The following TMEM128 variants were observed in gnomAD, a reference collection of about 807,000 sequenced individuals.
TMEM128 encodes the protein transmembrane protein 128.
TMEM128 carries 16 observed loss-of-function variants against 19.7 expected under a neutral mutation model. That is an observed-to-expected ratio of 0.81 (90% confidence interval 0.55 to 1.23). The LOEUF is 1.23. Ranked by LOEUF, TMEM128 falls within the 50% of genes most tolerant of loss-of-function variation. TMEM128 has a pLI of 0.00. For synonymous variants in TMEM128, 98 were observed against 75.8 expected (o/e 1.29, Z -1.52); for missense variants, 237 against 200.8 (o/e 1.18, Z -1.09).
At chr4:4,247,063 CTA>C (rs1420719602) in intron 1 of TMEM128, among the ~76,000 whole-genome samples, 3 of 152,158 alleles carry the variant, frequency 2.0e-5, no homozygotes, top group African/African-American at 7.2e-5. Context: ...CCTGCCCAGC[CTA>C]TAACTAAATA....
intron 3 of TMEM128, among the ~76,000 whole-genome samples, chr4:4,238,493 T>C (rs1717814565): frequency 1.3e-5 from 2 of 152,128 alleles, no homozygotes; most frequent in Non-Finnish European, 2.9e-5. Flanking sequence ...TGGTTATTGG[T>C]TTTAATATAT....
chr4:4,247,187 G>T (rs1469323507), intron 1 of TMEM128, among the ~76,000 whole-genome samples: 3 of 152,144 alleles, frequency 2.0e-5, no homozygotes, highest in African/African-American at 7.2e-5. Context: ...TGTCTGGAAC[G>T]CAATCTGAAA....
intron 4 of TMEM128, among the ~76,000 whole-genome samples, chr4:4,236,738 C>T (rs1196346416): frequency 6.6e-6 from 1 of 152,250 alleles, no homozygotes; most frequent in African/African-American, 2.4e-5. Flanking sequence ...TCCATTTCTT[C>T]TTTACACAGT....
Position 4,240,347 on chromosome 4 carries a change from A to C in TMEM128, c.372T>G (p.Thr124=). Residue 124 remains threonine, a synonymous_variant, in exon 3 of 5, where the codon ACT becomes ACG. Transcript: ENST00000382753. ...AAATTCCTGCTGCAATAAAGGAGGC[A>C]GTGGTAATGGGTATCAAGGCTGGAT... The part of the protein sequence containing the change: ...VKYPALIPIT[T]ASFIAAGICF... 1.2e-6 allele frequency: 2 copies of C among 1,614,010 alleles called. No homozygotes were observed.
chr4:4,241,178 T>C (rs1375206770), intron 2 of TMEM128, among the ~76,000 whole-genome samples: 1 of 152,212 alleles, frequency 6.6e-6, no homozygotes, highest in Non-Finnish European at 1.5e-5. Context: ...TTAAAGAAGT[T>C]TATCAGTGGG....
At chr4:4,240,507 T>C (rs375611658) in intron 2 of TMEM128, 28 bp from the exon 3 acceptor site, 6 of 1,599,806 alleles carry the variant, frequency 3.8e-6, no homozygotes, top group Non-Finnish European at 5.1e-6. Context: ...GTAAGAGGTC[T>C]GACAGCACTT....
intron 2 of TMEM128, among the ~76,000 whole-genome samples, chr4:4,243,695 GT>G (rs1222364131): frequency 6.6e-6 from 1 of 152,106 alleles, no homozygotes; most frequent in Non-Finnish European, 1.5e-5. Flanking sequence ...ATGACACCTT[GT>G]TGAGGACAGA....
intron 3 of TMEM128, among the ~76,000 whole-genome samples, chr4:4,239,623 C>A (rs1174388768): frequency 6.6e-6 from 1 of 152,136 alleles, no homozygotes; most frequent in African/African-American, 2.4e-5. Flanking sequence ...CTCTTTATAG[C>A]ATCCTTCATA....
chr4:4,246,566 A>C (rs1577199864), intron 1 of TMEM128, among the ~76,000 whole-genome samples: 1 of 152,350 alleles, frequency 6.6e-6, no homozygotes, highest in East Asian at 1.9e-4. Context: ...ATACATTGTG[A>C]AATCAAATTT....
intron 4 of TMEM128, chr4:4,237,134 C>T: frequency 2.2e-6 from 1 of 444,986 alleles, no homozygotes; most frequent in Admixed American, 2.5e-5. Context: ...TTGTGTCATC[C>T]AACACATTTT....
At chr4:4,239,713 A>G (rs1717869684) in intron 3 of TMEM128, among the ~76,000 whole-genome samples, 1 of 152,252 alleles carries the variant, frequency 6.6e-6, no homozygotes, top group Non-Finnish European at 1.5e-5. Context: ...ATGGAATGCT[A>G]AAGAGCAATG....
At chr4:4,243,783 T>C (rs12500164) in intron 2 of TMEM128, among the ~76,000 whole-genome samples, 46,882 of 151,914 alleles carry the variant, frequency 0.31, 7,817 homozygotes, top group East Asian at 0.46. Flanking sequence ...CACACAGCAG[T>C]TATGTGGTCC....
chr4:4,241,549 G>A (rs1030344987), intron 2 of TMEM128, among the ~76,000 whole-genome samples: 3 of 152,194 alleles, frequency 2.0e-5, no homozygotes, highest in Admixed American at 6.5e-5. Flanking sequence ...AGAACAGATG[G>A]CTACAACAGA....
At chr4:4,237,247 C>A (rs1477653680) in intron 4 of TMEM128, among the ~76,000 whole-genome samples, 1 of 152,032 alleles carries the variant, frequency 6.6e-6, no homozygotes, top group Non-Finnish European at 1.5e-5. Flanking sequence ...ATGATCCAGC[C>A]AACAGTCACT....
At chr4:4,239,157 T>C (rs1201812450) in intron 3 of TMEM128, among the ~76,000 whole-genome samples, 1 of 152,234 alleles carries the variant, frequency 6.6e-6, no homozygotes, top group Non-Finnish European at 1.5e-5. Flanking sequence ...TGTGTTTTCA[T>C]GTAATTTACA....
In TMEM128 at chr4:4,248,182, C is replaced by A. The variant is rs2272746; in HGVS notation, c.21G>T (p.Arg7=). The part of the protein sequence containing the change: MDSSRA[R]QQLRRRFLLL... Reference sequence around the variant, plus strand: ...GGAGGAATCGCCGCCGGAGCTGCTGCCGGGCCCGCGAGGAGTCCATCTTGG... The same window carrying A: ...GGAGGAATCGCCGCCGGAGCTGCTGACGGGCCCGCGAGGAGTCCATCTTGG... The change falls in exon 1 of 5, where the codon CGG becomes CGT. Residue 7 remains arginine (R), a synonymous_variant. Transcript: ENST00000382753. 3,554 of 1,528,280 alleles carry A rather than the reference C, an allele frequency of 2.3e-3. 39 individuals are homozygous for A. The African/African-American group carries it at 0.028, about 12-fold the overall frequency. 94.7% of individuals were successfully genotyped at this position (1,528,280 alleles called of 1,614,324 possible).
chr4:4,240,542 G>GTT (rs778056715), intron 2 of TMEM128, 63 bp from the exon 3 acceptor site: 59 of 1,526,934 alleles, frequency 3.9e-5, no homozygotes, highest in Non-Finnish European at 4.6e-5. Flanking sequence ...TATCTTAAAA[G>GTT]TTTTTACTAA....
At chr4:4,247,991 T>C (rs1718265310) in intron 1 of TMEM128, 115 bp downstream of exon 1, 1 of 1,461,036 alleles carries the variant, frequency 6.8e-7, no homozygotes, top group African/African-American at 1.4e-5. Flanking sequence ...CATTAAATAT[T>C]CGACTTGCAA....
At chr4:4,246,936 CG>C in intron 1 of TMEM128, among the ~76,000 whole-genome samples, 1 of 151,950 alleles carries the variant, frequency 6.6e-6, no homozygotes, top group Non-Finnish European at 1.5e-5. Flanking sequence ...TTAGTAGAGA[CG>C]GGGTTTCACC....
Sources: gnomAD v4.1 joint callset for allele counts (sites outside exome capture counted in the v4.1 genomes callset) on GRCh38, gnomAD v4.1.1 for gene constraint, MANE v1.5 for transcripts, NCBI Gene and HGNC (gene_info 2026-07-23, HGNC 2026-07-21) for gene names.